The following PXDNL variants were observed in gnomAD, a reference collection of about 807,000 sequenced individuals.
The protein encoded by PXDNL is peroxidasin like.
In PXDNL, 145 loss-of-function variants were observed where a neutral mutation model predicts 150.8. That is an observed-to-expected ratio of 0.96 (90% confidence interval 0.84 to 1.10). The LOEUF is 1.10. PXDNL is among the 50% of genes least tolerant of loss of function. PXDNL has a pLI of 0.00. For missense variants in PXDNL, 2,087 were observed against 1,873.9 expected, an observed-to-expected ratio of 1.11 and a Z score of -2.10; for synonymous variants, 757 against 725.7, an observed-to-expected ratio of 1.04 and a Z score of -0.69.
At chr8:51,717,513 G>A (rs867283353) in intron 1 of PXDNL, among the ~76,000 whole-genome samples, 13 of 152,168 alleles carry the variant, frequency 8.5e-5, no homozygotes, top group Admixed American at 5.9e-4. Flanking sequence ...GGTGCTCCAC[G>A]AATGCTAACA....
At chr8:51,483,749 A>C in intron 5 of PXDNL, 35 bp from the exon 6 acceptor site, 1 of 1,151,424 alleles carries the variant, frequency 8.7e-7, no homozygotes. Flanking sequence ...ATCACCATAC[A>C]ATAATAATGA....
intron 12 of PXDNL, among the ~76,000 whole-genome samples, chr8:51,444,988 C>T (rs1056319974): frequency 3.3e-5 from 5 of 151,810 alleles, no homozygotes; most frequent in African/African-American, 4.8e-5. Context: ...CTCACTGAAA[C>T]CTCCACCTCC....
intron 21 of PXDNL, among the ~76,000 whole-genome samples, chr8:51,329,108 TG>T (rs1383460101): frequency 6.6e-6 from 1 of 152,196 alleles, no homozygotes; most frequent in East Asian, 1.9e-4. Flanking sequence ...GCCACAGTAC[TG>T]GAGCAATGCT....
Position 51,638,904 on chromosome 8 carries a change from G to A in PXDNL, c.236+15785C>T, listed in dbSNP as rs137896609. On this transcript the variant is annotated intron_variant, in intron 2 of 22. Transcript: ENST00000356297. Reference sequence around the variant, plus strand: ...CCAAATCAACAGAATATACATTCATGTCAGCACCACATCACAATTATTCCA... The same window carrying A: ...CCAAATCAACAGAATATACATTCATATCAGCACCACATCACAATTATTCCA... 1.5e-3 allele frequency among the ~76,000 whole-genome samples: 225 copies of A among 152,166 alleles called. 1 individual carries two copies. Among genetic ancestry groups the A allele is most frequent in the African/African-American group, 5.2e-3 (216 of 41,534 alleles).
intron 3 of PXDNL, among the ~76,000 whole-genome samples, chr8:51,559,191 G>A (rs954707472): frequency 6.6e-6 from 1 of 151,832 alleles, no homozygotes; most frequent in Non-Finnish European, 1.5e-5. Context: ...GAGCAGTTAA[G>A]GAGAACTATA....
intron 18 of PXDNL, 107 bp downstream of exon 18, chr8:51,374,490 C>T: frequency 9.3e-7 from 1 of 1,075,282 alleles, no homozygotes; most frequent in Non-Finnish European, 1.4e-6. Context: ...TCATTATACT[C>T]AATATGCATT....
intron 1 of PXDNL, among the ~76,000 whole-genome samples, chr8:51,666,000 T>C (rs1030081417): frequency 6.6e-6 from 1 of 152,236 alleles, no homozygotes; most frequent in Non-Finnish European, 1.5e-5. Context: ...GCTTTATCTC[T>C]TACACCGATA....
rs1242698437 is a variant in PXDNL, at chr8:51,413,156, A to C, written c.1898T>G (p.Phe633Cys). ...SAINSTRRHL[F>C]SQKPHTSSDL... ...GTGTAAAATAAATTCTTACTGTGAA[A>C]ACAAATGTCTTCGTGTGGAGTTAAT... The change falls in exon 15 of 23, where the codon TTT becomes TGT. Residue 633 changes from phenylalanine to cysteine, a missense_variant. By Grantham distance (205) the Phe-to-Cys change is radical. Coordinates refer to ENST00000356297, the MANE Select transcript of PXDNL (RefSeq NM_144651.5). 1 of 1,575,674 alleles carries C rather than the reference A, an allele frequency of 6.3e-7. No homozygotes were observed. The highest frequency in any genetic ancestry group is 8.7e-7 in the Non-Finnish European group (1 of 1,145,568).
intron 2 of PXDNL, among the ~76,000 whole-genome samples, chr8:51,650,402 T>C (rs1396093142): frequency 6.6e-6 from 1 of 152,136 alleles, no homozygotes; most frequent in Non-Finnish European, 1.5e-5. Context: ...AGTATAAAAG[T>C]TTGAAAAATA....
intron 1 of PXDNL, among the ~76,000 whole-genome samples, chr8:51,734,600 G>T (rs928957622): frequency 2.0e-5 from 3 of 152,192 alleles, no homozygotes; most frequent in Admixed American, 2.0e-4. Context: ...TAGGCATTTT[G>T]CCTAGCAATT....
intron 2 of PXDNL, among the ~76,000 whole-genome samples, chr8:51,633,254 T>G (rs7018005): frequency 0.023 from 3,465 of 152,268 alleles, 133 homozygotes; most frequent in African/African-American, 0.08. Context: ...GGATGCATAG[T>G]AGTCCATGGT....
intron 7 of PXDNL, among the ~76,000 whole-genome samples, chr8:51,474,130 G>C (rs1368368647): frequency 6.6e-6 from 1 of 152,084 alleles, no homozygotes; most frequent in African/African-American, 2.4e-5. Flanking sequence ...TTAATTACTT[G>C]TTTAGAGAAA....
chr8:51,477,430 TAA>T (rs1810505241), intron 6 of PXDNL, among the ~76,000 whole-genome samples: 1 of 152,214 alleles, frequency 6.6e-6, no homozygotes, highest in South Asian at 2.1e-4. Context: ...GTGTAAGTCA[TAA>T]AAGTCAACTA....
In PXDNL at chr8:51,339,660, C is replaced by T. The variant is rs902065078; in HGVS notation, c.4110G>A (p.Ala1370=). Residue 1370 remains alanine (A), a synonymous_variant, in exon 21 of 23, where the codon GCG becomes GCA. Transcript: ENST00000356297. ...GTGCTGTGATGGTTTCCTGAATTTC[C>T]GCTGCAAACGTGCTGAAATCTTGGG... The part of the protein sequence containing the change: ...KFSQDFSTFA[A]EIQETITALR... 15 of 1,613,472 alleles carry T rather than the reference C, an allele frequency of 9.3e-6. No homozygotes were observed. The highest frequency in any genetic ancestry group is 3.3e-5 in the Admixed American group (2 of 59,928).
intron 1 of PXDNL, among the ~76,000 whole-genome samples, chr8:51,766,807 T>C (rs2037236880): frequency 6.6e-6 from 1 of 152,158 alleles, no homozygotes; most frequent in Non-Finnish European, 1.5e-5. Context: ...GCTGAGTTTA[T>C]CCTACTTGGA....
intron 6 of PXDNL, among the ~76,000 whole-genome samples, chr8:51,480,003 A>G (rs1474955481): frequency 6.6e-6 from 1 of 152,200 alleles, no homozygotes; most frequent in Non-Finnish European, 1.5e-5. Flanking sequence ...AAAGAAGGAA[A>G]TAAAGACTTG....
At chr8:51,726,549 C>G (rs1031430791) in intron 1 of PXDNL, among the ~76,000 whole-genome samples, 5 of 152,174 alleles carry the variant, frequency 3.3e-5, no homozygotes, top group African/African-American at 1.2e-4. Context: ...TCATACTTGC[C>G]TATAAGGCCT....
intron 2 of PXDNL, among the ~76,000 whole-genome samples, chr8:51,605,809 C>CATGA (rs1481393192): frequency 6.6e-6 from 1 of 152,124 alleles, no homozygotes; most frequent in Non-Finnish European, 1.5e-5. Context: ...TTATCTCCCT[C>CATGA]ATGAATGAAT....
At chr8:51,510,846 A>C (rs887352507) in intron 4 of PXDNL, among the ~76,000 whole-genome samples, 9 of 152,178 alleles carry the variant, frequency 5.9e-5, no homozygotes, top group Non-Finnish European at 1.3e-4. Flanking sequence ...GCCTGTGAAC[A>C]CTGAGATATG....
Sources: allele counts gnomAD v4.1 joint callset (sites outside exome capture counted in the v4.1 genomes callset), GRCh38; gene constraint gnomAD v4.1.1; transcripts MANE v1.5; gene names NCBI Gene and HGNC (gene_info 2026-07-23, HGNC 2026-07-21).